Variants in CPEB3 observed in about 807,000 individuals in gnomAD.
CPEB3 encodes cytoplasmic polyadenylation element-binding protein 3.
Under a neutral mutation model 67.2 loss-of-function variants are expected in CPEB3, and 20 were observed. The observed-to-expected ratio is 0.30, with a 90% CI of 0.21 to 0.43. The LOEUF (loss-of-function observed/expected upper bound fraction) is 0.43. CPEB3 is among the 20% of genes least tolerant of loss of function. The probability of loss-of-function intolerance (pLI) is 1.00; values close to 1 mark genes in which losing one functional copy is unlikely to be tolerated. For missense variants in CPEB3, 746 were observed against 968.6 expected, an observed-to-expected ratio of 0.77 and a Z score of 3.05; for synonymous variants, 376 against 393.1, an observed-to-expected ratio of 0.96 and a Z score of 0.51.
intron 6 of CPEB3, 76 bp from the exon 7 acceptor site, chr10:92,111,270 G>A: frequency 3.0e-6 from 3 of 1,010,306 alleles, no homozygotes; most frequent in Non-Finnish European, 4.7e-6. Context: ...CAAATTATCT[G>A]TTGTTTCATT....
intron 9 of CPEB3, among the ~76,000 whole-genome samples, chr10:92,072,365 A>G (rs945788460): frequency 3.9e-5 from 6 of 152,214 alleles, no homozygotes. Flanking sequence ...AAAAGGAAAA[A>G]AAAAAGAGCC....
At chr10:92,135,505 G>A (rs1386064125) in intron 6 of CPEB3, among the ~76,000 whole-genome samples, 1 of 152,144 alleles carries the variant, frequency 6.6e-6, no homozygotes, top group East Asian at 1.9e-4. Context: ...AAAATGTCAG[G>A]AAACAACAGA....
intron 6 of CPEB3, among the ~76,000 whole-genome samples, chr10:92,139,416 T>C (rs899479010): frequency 1.3e-5 from 2 of 148,566 alleles, no homozygotes; most frequent in Non-Finnish European, 3.0e-5. Context: ...ATAAGAAAAA[T>C]AAGCCAGGCA....
Position 92,154,204 on chromosome 10 carries a change from C to T in CPEB3, c.1223-9119G>A, listed in dbSNP as rs74149381. On this transcript the variant is annotated intron_variant, in intron 4 of 9. Coordinates refer to ENST00000265997, the MANE Select transcript of CPEB3 (RefSeq NM_014912.5). The stretch of plus-strand genomic sequence containing the variant: ...GGGGTTGCAGTTGTATAGGAGGACA[C>T]ATATTAAAGCTTATCAAAGGCAGAA... Among the ~76,000 whole-genome samples the T allele has an allele frequency of 1.9e-3, 293 of 152,266 alleles. 1 individual carries two copies. The highest frequency in any genetic ancestry group is 6.6e-3 in the African/African-American group (276 of 41,552).
At chr10:92,080,846 G>A (rs1297873415) in intron 9 of CPEB3, among the ~76,000 whole-genome samples, 2 of 152,062 alleles carry the variant, frequency 1.3e-5, no homozygotes, top group African/African-American at 4.8e-5. Context: ...TGATCCACCC[G>A]CCTCGGCCTC....
chr10:92,183,646 T>C (rs1482933294), intron 3 of CPEB3, among the ~76,000 whole-genome samples: 1 of 152,202 alleles, frequency 6.6e-6, no homozygotes, highest in Non-Finnish European at 1.5e-5. Context: ...CTGGAAAGTC[T>C]ACCTAAAAGC....
rs1328163574 is a variant in CPEB3, at chr10:92,051,994, C to T, written c.*218G>A. On this transcript the variant is annotated 3_prime_UTR_variant, in exon 10 of 10. Coordinates refer to ENST00000265997, the MANE Select transcript of CPEB3 (RefSeq NM_014912.5). ...CAAAGGTGTGAATCAAAGTGCAAATCAGTACCATTCTACACTCTGCAATTC... is the reference window on the plus strand; with the variant it reads ...CAAAGGTGTGAATCAAAGTGCAAATTAGTACCATTCTACACTCTGCAATTC... 2.1e-5 allele frequency: 10 copies of T among 484,214 alleles called. No homozygotes were observed. The highest frequency in any genetic ancestry group is 1.8e-5 in the Non-Finnish European group (5 of 272,608). The allele number at this position is 484,214 out of a possible 1,614,324, so 30.0% of individuals were successfully genotyped here. A position where few individuals can be genotyped will look rare whatever the true frequency, so the allele number is the denominator to read the frequency against.
intron 2 of CPEB3, among the ~76,000 whole-genome samples, chr10:92,199,331 C>T (rs1226294250): frequency 2.1e-5 from 3 of 141,018 alleles, no homozygotes; most frequent in South Asian, 2.4e-4. Context: ...GTGGAGGTTG[C>T]GGTGAGCCGA....
At chr10:92,181,367 C>CAAAAAAAAAAAA (rs55896574) in intron 3 of CPEB3, among the ~76,000 whole-genome samples, 5 of 95,416 alleles carry the variant, frequency 5.2e-5, no homozygotes, top group East Asian at 2.8e-4. Flanking sequence ...ATTCAAGCAG[C>CAAAAAAAAAAAA]AAAAAAAAAA....
chr10:92,171,905 C>T (rs980924805), intron 4 of CPEB3, among the ~76,000 whole-genome samples: 31 of 152,158 alleles, frequency 2.0e-4, no homozygotes, highest in Admixed American at 5.9e-4. Flanking sequence ...CGTGAGCCAC[C>T]GCACCCAGCC....
intron 1 of CPEB3, among the ~76,000 whole-genome samples, chr10:92,283,925 A>C (rs1379973560): frequency 6.7e-6 from 1 of 148,538 alleles, no homozygotes; most frequent in Non-Finnish European, 1.5e-5. Context: ...ACGGGGTTTC[A>C]CCATGTTGTC....
chr10:92,214,937 TC>T (rs1326157604), intron 2 of CPEB3, among the ~76,000 whole-genome samples: 1 of 152,066 alleles, frequency 6.6e-6, no homozygotes, highest in Non-Finnish European at 1.5e-5. Flanking sequence ...AGCCTCTGCT[TC>T]CTGGGTTCAA....
chr10:92,062,400 C>G (rs1186998230), intron 9 of CPEB3, among the ~76,000 whole-genome samples: 1 of 151,944 alleles, frequency 6.6e-6, no homozygotes, highest in Non-Finnish European at 1.5e-5. Flanking sequence ...AGAGAAGTAG[C>G]TGCATGAAGG....
chr10:92,165,611 T>C (rs1413458546), intron 4 of CPEB3, among the ~76,000 whole-genome samples: 1 of 152,206 alleles, frequency 6.6e-6, no homozygotes, highest in Non-Finnish European at 1.5e-5. Flanking sequence ...TTACCCATAG[T>C]AGAATATCTT....
chr10:92,067,114 A>T (rs1367339384), intron 9 of CPEB3, among the ~76,000 whole-genome samples: 2 of 151,230 alleles, frequency 1.3e-5, no homozygotes, highest in Admixed American at 6.6e-5. Flanking sequence ...ATATTTTATT[A>T]ATAAAAAAAC....
intron 1 of CPEB3, among the ~76,000 whole-genome samples, chr10:92,275,410 T>C (rs1428498009): frequency 1.3e-5 from 2 of 152,246 alleles, no homozygotes; most frequent in African/African-American, 4.8e-5. Flanking sequence ...TTTTCATTAC[T>C]GGCCTATACA....
intron 2 of CPEB3, among the ~76,000 whole-genome samples, chr10:92,226,745 G>C (rs1201866346): frequency 6.6e-6 from 1 of 151,980 alleles, no homozygotes; most frequent in African/African-American, 2.4e-5. Flanking sequence ...GAACATCAAA[G>C]GCATATTGAG....
chr10:92,120,324 C>A (rs56705680), intron 6 of CPEB3, among the ~76,000 whole-genome samples: 1 of 149,362 alleles, frequency 6.7e-6, no homozygotes, highest in African/African-American at 2.5e-5. Context: ...GTGGCTCACA[C>A]CTGTAATCCC....
intron 2 of CPEB3, among the ~76,000 whole-genome samples, chr10:92,229,987 G>C (rs550358212): frequency 3.3e-5 from 5 of 151,876 alleles, no homozygotes; most frequent in Admixed American, 6.6e-5. Context: ...CGGAGGTTGC[G>C]GTGAGCCGAG....
Sources: gnomAD v4.1 joint callset for allele counts (sites outside exome capture counted in the v4.1 genomes callset) on GRCh38, gnomAD v4.1.1 for gene constraint, MANE v1.5 for transcripts, NCBI Gene and HGNC (gene_info 2026-07-23, HGNC 2026-07-21) for gene names.